The following SLC27A3 variants were observed in gnomAD, a reference collection of about 807,000 sequenced individuals.
The protein encoded by SLC27A3 is long-chain fatty acid transport protein 3.
SLC27A3 carries 60 observed loss-of-function variants against 60.1 expected under a neutral mutation model. The ratio of observed to expected loss-of-function variants is 1.00; its 90% CI spans 0.81 to 1.24. The LOEUF is 1.24. SLC27A3 is among the 50% of genes most tolerant of loss of function. SLC27A3 has a pLI of 0.00. For missense variants in SLC27A3, 1,079 were observed against 929.9 expected (o/e 1.16, Z -2.09); for synonymous variants, 455 against 409.0 (o/e 1.11, Z -1.36).
intron 8 of SLC27A3, 32 bp downstream of exon 8, chr1:153,779,243 C>A: frequency 1.2e-6 from 2 of 1,612,682 alleles, no homozygotes; most frequent in Non-Finnish European, 1.7e-6. Context: ...GGGAGGCACC[C>A]AGCCACCACC....
At position 153,775,461 on chromosome 1, in the gene SLC27A3, C is replaced by T. The variant is rs759294394; in HGVS notation, c.-37C>T. ...GAGGATCAGGGATGTTTGCGAGCGGCTGGAACCAGACGGTGCCGATAGAGG... is the reference window on the plus strand; with the variant it reads ...GAGGATCAGGGATGTTTGCGAGCGGTTGGAACCAGACGGTGCCGATAGAGG... On this transcript the variant is annotated 5_prime_UTR_variant, in exon 1 of 10. Transcript: ENST00000624995. The T allele has an allele frequency of 6.2e-7, 1 of 1,612,890 alleles. No individual in the cohort carries two copies. The highest frequency in any genetic ancestry group is 1.1e-5 in the South Asian group (1 of 91,090).
rs770229230 is a variant in SLC27A3 at position 153,776,064 on chromosome 1, G to C, written c.567G>C (p.Lys189Asn). The C allele has an allele frequency of 2.0e-6, 3 of 1,471,770 alleles. No homozygotes were observed. The highest frequency in any genetic ancestry group is 3.0e-5 in the African/African-American group (2 of 67,562). 91.2% of individuals were successfully genotyped at this position (1,471,770 alleles called of 1,614,324 possible). ...TGTGGCTCTGGTTCGGGCTGGCCAA[G>C]GCCGGCCTGCGCACTGCCTTTGTGC... ...EFLWLWFGLA[K>N]AGLRTAFVPT... Residue 189 changes from lysine to asparagine, a missense_variant, in exon 1 of 10, where the codon AAG becomes AAC. By Grantham distance (94) the Lys-to-Asn change is moderately conservative. Coordinates refer to ENST00000624995, the MANE Select transcript of SLC27A3 (RefSeq NM_024330.4).
Position 153,775,644 on chromosome 1 carries a change from C to T in SLC27A3, c.147C>T (p.Arg49=), listed in dbSNP as rs1389865904. The part of the protein sequence containing the change: ...ALCCKRALRA[R]ALAAAAADPE... Reference sequence around the variant, plus strand: ...GCTGCAAAAGGGCTCTTCGAGCTCGCGCCCTGGCCGCGGCTGCCGCCGACC... The same window carrying T: ...GCTGCAAAAGGGCTCTTCGAGCTCGTGCCCTGGCCGCGGCTGCCGCCGACC... The change falls in exon 1 of 10, where the codon CGC becomes CGT. Residue 49 remains arginine (R), a synonymous_variant. Transcript: ENST00000624995. 1.3e-6 allele frequency: 2 copies of T among 1,532,822 alleles called. No homozygotes were observed. Among genetic ancestry groups the T allele is most frequent in the South Asian group, 1.2e-5 (1 of 82,804 alleles). The allele number at this position is 1,532,822 out of a possible 1,614,324, so 95.0% of individuals were successfully genotyped here.
At position 153,779,189 on chromosome 1, in the gene SLC27A3, C is replaced by A. The variant is rs752655899; in HGVS notation, c.1722C>A (p.Asn574Lys). 5.1e-5 allele frequency: 82 copies of A among 1,614,008 alleles called. No individual in the cohort carries two copies. Among genetic ancestry groups the A allele is most frequent in the Non-Finnish European group, 6.7e-5 (79 of 1,180,004 alleles). The change falls in exon 8 of 10, where the codon AAC becomes AAA. Residue 574 changes from asparagine to lysine, a missense_variant. Transcript: ENST00000624995. ...FEALDFLQEV[N>K]VYGVTVPGHE... ...CCCTAGATTTTCTTCAGGAGGTGAA[C>A]GTCTATGGAGTCACTGTGCCAGGTG...
chr1:153,779,783 CAG>C, intron 9 of SLC27A3, 41 bp from the exon 10 acceptor site: 1 of 1,582,016 alleles, frequency 6.3e-7, no homozygotes, highest in Non-Finnish European at 8.6e-7. Flanking sequence ...ACCACGTGGG[CAG>C]AGTCCCCTTC....
chr1:153,776,340 C>T, intron 1 of SLC27A3, 176 bp downstream of exon 1: 1 of 1,371,652 alleles, frequency 7.3e-7, no homozygotes, highest in Non-Finnish European at 9.6e-7. Flanking sequence ...GAGGCTGAAT[C>T]TTTGGTGCCC....
Position 153,776,137 on chromosome 1 carries a change from G to GGA in SLC27A3, c.641_642insAG (p.Leu218ArgfsTer19). 7.0e-7 allele frequency: 1 copy of GGA among 1,433,810 alleles called. No individual in the cohort carries two copies. The highest frequency in any genetic ancestry group is 9.0e-7 in the Non-Finnish European group (1 of 1,106,510). The allele number at this position is 1,433,810 out of a possible 1,614,324, so 88.8% of individuals were successfully genotyped here. ...CCTGCTGCACTGCCTCCGCAGCTGC[G>GGA]GCGCGCGCGCGCTGGTGCTGGCGCC... On this transcript the variant is annotated frameshift_variant, in exon 1 of 10. Transcript: ENST00000624995. LOFTEE classifies it high-confidence loss of function.
intron 1 of SLC27A3, 170 bp from the exon 2 acceptor site, chr1:153,776,348 C>A (rs2101843680): frequency 1.5e-6 from 2 of 1,304,166 alleles, no homozygotes; most frequent in East Asian, 5.0e-5. Flanking sequence ...ATCTTTGGTG[C>A]CCCAAGGATC....
chr1:153,778,748 C>A lies in SLC27A3; in HGVS notation c.1509C>A (p.Gly503=). Residue 503 remains glycine, a synonymous_variant, in exon 7 of 10, where the codon GGC becomes GGA. Transcript: ENST00000624995. ...AGTCCCCATTCCTGGGCTATGCTGG[C>A]GGGCCAGAGCTGGCCCAGGGGAAGT... ...SQQSPFLGYA[G]GPELAQGKLL... The A allele has an allele frequency of 1.2e-6, 2 of 1,613,792 alleles. No homozygotes were observed. The highest frequency in any genetic ancestry group is 1.1e-5 in the South Asian group (1 of 91,074).
chr1:153,777,307 A>T, intron 3 of SLC27A3, 87 bp downstream of exon 3: 2 of 1,503,248 alleles, frequency 1.3e-6, no homozygotes, highest in Middle Eastern at 1.7e-4. Flanking sequence ...CAGGGTAGAT[A>T]ATCTAGAGGA....
chr1:153,778,231 G>C lies in SLC27A3; in HGVS notation c.1232G>C (p.Arg411Pro), dbSNP rs201939587. 1 of 1,613,712 alleles carries C rather than the reference G, an allele frequency of 6.2e-7. No homozygotes were observed. ...GGGCTGCGCCCAGATACCTGGGAGC[G>C]TTTTGTGCGGCGCTTCGGGCCCCTG... ...GSGLRPDTWERFVRRFGPLQV... is the reference protein window; with the variant it reads ...GSGLRPDTWEPFVRRFGPLQV... The change falls in exon 5 of 10, where the codon CGT (arginine) becomes CCT (proline). Residue 411 changes from arginine (R) to proline (P), a missense_variant. Physicochemically the swap from Arg to Pro is moderately radical, Grantham distance 103. Transcript: ENST00000624995.
Position 153,775,608 on chromosome 1 carries a change from G to A in SLC27A3, c.111G>A (p.Val37=). Reference sequence around the variant, plus strand: ...TTCCGGCGGACTTGGCCTTTGCGGTGCGAGCTCTGTGCTGCAAAAGGGCTC... The same window carrying A: ...TTCCGGCGGACTTGGCCTTTGCGGTACGAGCTCTGTGCTGCAAAAGGGCTC... ...RWLPADLAFA[V]RALCCKRALR... Residue 37 remains valine, a synonymous_variant, in exon 1 of 10, where the codon GTG becomes GTA. Transcript: ENST00000624995. 6.3e-7 allele frequency: 1 copy of A among 1,591,074 alleles called. No homozygotes were observed. Among genetic ancestry groups the A allele is most frequent in the Non-Finnish European group, 8.5e-7 (1 of 1,171,650 alleles).
At chr1:153,777,573 T>A in intron 3 of SLC27A3, 188 bp from the exon 4 acceptor site, 1 of 727,644 alleles carries the variant, frequency 1.4e-6, no homozygotes, top group East Asian at 2.5e-5. Flanking sequence ...TCACCTCTTC[T>A]AAGGCTGGGG....
At chr1:153,778,958 T>C in intron 7 of SLC27A3, 73 bp downstream of exon 7, 1 of 1,524,408 alleles carries the variant, frequency 6.6e-7, no homozygotes, top group Non-Finnish European at 9.1e-7. Flanking sequence ...ACCTCAACTC[T>C]CTAATCTGCC....
At chr1:153,779,316 G>A in intron 8 of SLC27A3, 27 bp from the exon 9 acceptor site, 2 of 1,613,486 alleles carry the variant, frequency 1.2e-6, no homozygotes, top group Admixed American at 1.7e-5. Flanking sequence ...CCATGGAGGG[G>A]CTTACTCTGT....
chr1:153,776,778 C>T, intron 2 of SLC27A3, 51 bp downstream of exon 2: 1 of 1,568,930 alleles, frequency 6.4e-7, no homozygotes, highest in Non-Finnish European at 8.8e-7. Context: ...CAGAGGAAGG[C>T]AGGGGTCTGC....
In SLC27A3 at chr1:153,775,607, T is replaced by C. The variant is rs1673152478; in HGVS notation, c.110T>C (p.Val37Ala). The change falls in exon 1 of 10, where the codon GTG becomes GCG. Residue 37 changes from valine to alanine, a missense_variant. Coordinates refer to ENST00000624995, the MANE Select transcript of SLC27A3 (RefSeq NM_024330.4). ...RWLPADLAFA[V>A]RALCCKRALR... ...CTTCCGGCGGACTTGGCCTTTGCGG[T>C]GCGAGCTCTGTGCTGCAAAAGGGCT... 1.9e-6 allele frequency: 3 copies of C among 1,591,160 alleles called. No individual in the cohort carries two copies. The highest frequency in any genetic ancestry group is 2.6e-6 in the Non-Finnish European group (3 of 1,171,716).
chr1:153,780,144 G>C lies in SLC27A3; in HGVS notation c.*142G>C. ...AAATGTGGCTGGAGCTGATCCAGCT[G>C]TCTCTGACCTACAGTATCTGTCATT... On this transcript the variant is annotated 3_prime_UTR_variant, in exon 10 of 10. Transcript: ENST00000624995. 4 of 713,002 alleles carry C rather than the reference G, an allele frequency of 5.6e-6. No individual in the cohort carries two copies. In the South Asian group the frequency reaches 5.7e-5, roughly 10 times the overall value. 44.2% of individuals were successfully genotyped at this position (713,002 alleles called of 1,614,324 possible).
At chr1:153,777,026 C>A (rs777781292) in intron 2 of SLC27A3, 36 bp from the exon 3 acceptor site, 4 of 1,610,442 alleles carry the variant, frequency 2.5e-6, no homozygotes, top group Non-Finnish European at 3.4e-6. Context: ...TGGAGTTTGC[C>A]CTTCCCCTGA....
Sources: allele counts gnomAD v4.1 joint callset, GRCh38; gene constraint gnomAD v4.1.1; transcripts MANE v1.5; gene names NCBI Gene and HGNC (gene_info 2026-07-23, HGNC 2026-07-21).